VPS16: variants seen among roughly 807,000 people sequenced by gnomAD.
VPS16 encodes the protein VPS16 core subunit of CORVET and HOPS complexes.
A neutral mutation model predicts 116.0 loss-of-function variants in VPS16; 82 were observed. That is an observed-to-expected ratio of 0.71 (90% CI 0.59 to 0.85). The LOEUF (loss-of-function observed/expected upper bound fraction) is 0.85, where lower values mean the gene tolerates loss of function less well. Ranked by LOEUF, VPS16 falls within the 40% of genes least tolerant of loss-of-function variation. The pLI is 0.00. For synonymous variants in VPS16, 406 were observed against 420.7 expected (o/e 0.96, Z 0.43); for missense variants, 928 against 1,090.6 (o/e 0.85, Z 2.10).
In VPS16 at chr20:2,863,368, C is replaced by T. The variant is rs764390260; in HGVS notation, c.1446C>T (p.Ser482=). 7.4e-6 allele frequency: 12 copies of T among 1,614,098 alleles called. No homozygotes were observed. Among genetic ancestry groups the T allele is most frequent in the Non-Finnish European group, 9.3e-6 (11 of 1,180,038 alleles). The stretch of plus-strand genomic sequence containing the variant: ...GCCTTCCTGAAGTACAGGGCGTCAG[C>T]AGGATCCTGGCCCACTGGGCCTGCT... ...YLRLPEVQGV[S]RILAHWACYK... Residue 482 remains serine, a synonymous_variant, in exon 15 of 24, where the codon AGC becomes AGT. Transcript: ENST00000380445. This position sits in a 1 kb window ranked among gnomAD's most constrained non-coding sequence, Gnocchi z 4.4.
In VPS16 at chr20:2,861,901, T is replaced by A; in HGVS notation, c.994+2T>A. On this transcript the variant is annotated splice_donor_variant, in intron 10 of 23. Transcript: ENST00000380445. LOFTEE classifies it high-confidence loss of function. ...ACGAGTTCCTGCATGAGGTTCCAGG[T>A]GAGGCCTTCACAAGGGCACCACATA... 6.2e-7 allele frequency: 1 copy of A among 1,613,218 alleles called. No individual in the cohort carries two copies. Among genetic ancestry groups the A allele is most frequent in the Non-Finnish European group, 8.5e-7 (1 of 1,179,680 alleles).
At chr20:2,845,542 G>A (rs1170337760) in intron 1 of VPS16, among the ~76,000 whole-genome samples, 3 of 150,790 alleles carry the variant, frequency 2.0e-5, no homozygotes, top group African/African-American at 7.3e-5. Context: ...AAAGTCAGCT[G>A]TGTGTAGTGG....
intron 2 of VPS16, 110 bp downstream of exon 2, chr20:2,859,917 C>A: frequency 1.4e-6 from 2 of 1,478,344 alleles, no homozygotes; most frequent in Non-Finnish European, 1.9e-6. Context: ...CCCCACTCAC[C>A]CTGCTGAGAT....
intron 1 of VPS16, among the ~76,000 whole-genome samples, chr20:2,842,909 T>TA (rs1428286703): frequency 8.8e-4 from 21 of 23,824 alleles, no homozygotes; most frequent in Non-Finnish European, 1.6e-3. Context: ...TAGATATATG[T>TA]TATGGATTGC....
chr20:2,860,779 G>A lies in VPS16; in HGVS notation c.546G>A (p.Val182=), dbSNP rs892780603. ...GLQSAPSCWT[V]LCQDRVAHIL... ...AAAGTGCACCCTCCTGCTGGACTGT[G>A]CTGTGCCAGGACCGAGTGGCACACA... The change falls in exon 6 of 24, where the codon GTG becomes GTA. Residue 182 remains valine, a synonymous_variant. Transcript: ENST00000380445. The surrounding 1 kb of genome is among the most constrained non-coding windows in gnomAD (Gnocchi z 6.1). 1.5e-5 allele frequency: 25 copies of A among 1,613,932 alleles called. No homozygotes were observed. The highest frequency in any genetic ancestry group is 1.4e-5 in the Non-Finnish European group (17 of 1,180,052).
intron 1 of VPS16, among the ~76,000 whole-genome samples, chr20:2,845,557 C>T (rs2089050482): frequency 2.7e-5 from 4 of 147,346 alleles, no homozygotes; most frequent in African/African-American, 1.0e-4. Context: ...TAGTGGCACG[C>T]ACATGTAATC....
rs2089266354 is a variant in VPS16, at chr20:2,863,457, G to C, written c.1476+59G>C. On this transcript the variant is annotated intron_variant, in intron 15 of 23. Transcript: ENST00000380445. This position sits in a 1 kb window ranked among gnomAD's most constrained non-coding sequence, Gnocchi z 4.4. Reference sequence around the variant, plus strand: ...GAGGATTCCAGGCCCTGGTGAGGTGGAGGAAATAGAAAGTGTAGAACTGCG... The same window carrying C: ...GAGGATTCCAGGCCCTGGTGAGGTGCAGGAAATAGAAAGTGTAGAACTGCG... 8 of 1,557,774 alleles carry C rather than the reference G, an allele frequency of 5.1e-6. 1 individual carries two copies. The South Asian group carries it at 7.8e-5, about 15-fold the overall frequency.
intron 1 of VPS16, among the ~76,000 whole-genome samples, chr20:2,854,584 AG>A (rs1311068181): frequency 6.6e-6 from 1 of 152,070 alleles, no homozygotes; most frequent in African/African-American, 2.4e-5. Flanking sequence ...ACTTGAGGTC[AG>A]GAGTTCGAGA....
At chr20:2,846,404 A>G (rs1018399595) in intron 1 of VPS16, among the ~76,000 whole-genome samples, 1 of 151,930 alleles carries the variant, frequency 6.6e-6, no homozygotes, top group Non-Finnish European at 1.5e-5. Context: ...GGCATAAGCC[A>G]TTGCACCCGG....
chr20:2,851,953 G>A (rs530942986), intron 1 of VPS16, among the ~76,000 whole-genome samples: 1 of 152,324 alleles, frequency 6.6e-6, no homozygotes, highest in Admixed American at 6.5e-5. Flanking sequence ...CTGGGCGACA[G>A]AGCGAGACGC....
Position 2,865,386 on chromosome 20 carries a change from A to T in VPS16, c.2175-13A>T. The T allele has an allele frequency of 6.2e-7, 1 of 1,614,064 alleles. No homozygotes were observed. Among genetic ancestry groups the T allele is most frequent in the Non-Finnish European group, 8.5e-7 (1 of 1,179,954 alleles). ...CCTCTCCTGCAACACCTCCAAGCCC[A>T]GCTTTCCTGCAGGCTCTGGTGGCTG... On this transcript the variant is annotated splice_polypyrimidine_tract_variant and intron_variant, in intron 21 of 23. Transcript: ENST00000380445. The surrounding 1 kb of genome is among the most constrained non-coding windows in gnomAD (Gnocchi z 5.2).
chr20:2,861,579 G>A (rs1232081739), intron 8 of VPS16, 36 bp from the exon 9 acceptor site: 1 of 1,577,578 alleles, frequency 6.3e-7, no homozygotes, highest in Non-Finnish European at 8.6e-7. Flanking sequence ...ATGGCCATGG[G>A]ACAGTGTCTA....
At chr20:2,843,763 A>G (rs1464334947) in intron 1 of VPS16, among the ~76,000 whole-genome samples, 1 of 152,242 alleles carries the variant, frequency 6.6e-6, no homozygotes, top group Non-Finnish European at 1.5e-5. Context: ...TGACATGTTA[A>G]TAAGGTTTTA....
At chr20:2,856,687 G>A (rs1052053648) in intron 1 of VPS16, among the ~76,000 whole-genome samples, 13 of 152,132 alleles carry the variant, frequency 8.5e-5, no homozygotes, top group African/African-American at 2.7e-4. Flanking sequence ...AGCATTTATT[G>A]TGGTTCTTCC....
At position 2,863,690 on chromosome 20, in the gene VPS16, A is replaced by G. The variant is rs1232178132; in HGVS notation, c.1477-259A>G. ...GGCAGGAGAATTGCTTTCACCTGGG[A>G]GGCAGAGGTTGCAGTGAGCTGAGAT... is the stretch of plus-strand genomic sequence containing the variant. On this transcript the variant is annotated intron_variant, in intron 15 of 23. Transcript: ENST00000380445. The surrounding 1 kb of genome is among the most constrained non-coding windows in gnomAD (Gnocchi z 4.4). Among the ~76,000 whole-genome samples, 3 of 152,136 alleles carry G rather than the reference A, an allele frequency of 2.0e-5. No homozygotes were observed. Among genetic ancestry groups the G allele is most frequent in the Non-Finnish European group, 4.4e-5 (3 of 68,016 alleles).
chr20:2,860,418 G>A lies in VPS16; in HGVS notation c.370-31G>A, dbSNP rs2089214543. The A allele has an allele frequency of 2.5e-6, 4 of 1,614,026 alleles. No homozygotes were observed. The highest frequency in any genetic ancestry group is 3.4e-6 in the Non-Finnish European group (4 of 1,179,986). ...GCGGGGTAGAGTTTATGACCCTGTG[G>A]CTCCCTTAACCCATGGCCCCCTTTC... On this transcript the variant is annotated intron_variant, in intron 4 of 23. Transcript: ENST00000380445. This position sits in a 1 kb window ranked among gnomAD's most constrained non-coding sequence, Gnocchi z 6.1.
In VPS16 at chr20:2,865,527, C is replaced by T. The variant is rs764291896; in HGVS notation, c.2271+32C>T. The T allele has an allele frequency of 8.1e-6, 13 of 1,598,690 alleles. No homozygotes were observed. Among genetic ancestry groups the T allele is most frequent in the Admixed American group, 3.4e-5 (2 of 59,348 alleles). On this transcript the variant is annotated intron_variant, in intron 22 of 23. Coordinates refer to ENST00000380445, the MANE Select transcript of VPS16 (RefSeq NM_022575.4). The surrounding 1 kb of genome is among the most constrained non-coding windows in gnomAD (Gnocchi z 5.2). ...CAGGGTCCTCCCTCCAGCCCACTTCCAGTGAGGGTAGTCTTCGGGAGAGAG... is the reference window on the plus strand; with the variant it reads ...CAGGGTCCTCCCTCCAGCCCACTTCTAGTGAGGGTAGTCTTCGGGAGAGAG...
intron 11 of VPS16, chr20:2,862,349 G>C (rs1423800159): frequency 9.9e-7 from 1 of 1,014,464 alleles, no homozygotes; most frequent in Non-Finnish European, 1.4e-6. Flanking sequence ...CACCCAGTCT[G>C]GGTTACTATT....
chr20:2,862,319 C>A, intron 11 of VPS16, 189 bp downstream of exon 11: 1 of 961,824 alleles, frequency 1.0e-6, no homozygotes, highest in Non-Finnish European at 1.5e-6. Flanking sequence ...TAGGGACGGG[C>A]AGAGCATCCC....
Sources: gnomAD v4.1 joint callset for allele counts (sites outside exome capture counted in the v4.1 genomes callset) on GRCh38, gnomAD v4.1.1 for gene constraint, Gnocchi (gnomAD v3.1) non-coding constraint, MANE v1.5 for transcripts, NCBI Gene and HGNC (gene_info 2026-07-23, HGNC 2026-07-21) for gene names.